RPSA2: variants seen among roughly 807,000 people sequenced by gnomAD.
RPSA2 encodes the protein small ribosomal subunit protein uS2B.
At chr19:23,771,635 C>G in the RPSA2 span, among the ~76,000 whole-genome samples, 1 of 151,514 alleles carries the variant, frequency 6.6e-6, no homozygotes, top group East Asian at 2.0e-4. Flanking sequence ...TGAATCTATT[C>G]TTTTGTCCTA....
the RPSA2 span, among the ~76,000 whole-genome samples, chr19:23,804,301 T>TC: frequency 9.9e-5 from 3 of 30,414 alleles, no homozygotes; most frequent in Non-Finnish European, 1.9e-4. Context: ...TTTCTTTTTC[T>TC]TTTTTTTCTT....
At chr19:23,846,387 CTATT>C in the RPSA2 span, among the ~76,000 whole-genome samples, 1 of 151,652 alleles carries the variant, frequency 6.6e-6, no homozygotes, top group African/African-American at 2.4e-5. Flanking sequence ...TTCTTTTTAT[CTATT>C]TATATTTGTG....
At chr19:23,778,639 C>T in the RPSA2 span, among the ~76,000 whole-genome samples, 33 of 151,954 alleles carry the variant, frequency 2.2e-4, no homozygotes, top group South Asian at 5.4e-3. Context: ...AGTGACTTAC[C>T]GCTAGGCTCA....
chr19:23,868,970 T>A, the RPSA2 span, among the ~76,000 whole-genome samples: 2 of 152,136 alleles, frequency 1.3e-5, no homozygotes, highest in Non-Finnish European at 2.9e-5. Flanking sequence ...TGCAGGAAGC[T>A]GAGAAACTAC....
chr19:23,840,962 CAA>C, the RPSA2 span, among the ~76,000 whole-genome samples: 5 of 117,722 alleles, frequency 4.2e-5, no homozygotes, highest in African/African-American at 1.6e-4. Context: ...AACTCCGTCT[CAA>C]AAAAAAAAAA....
chr19:23,775,936 C>T, the RPSA2 span, among the ~76,000 whole-genome samples: 1 of 152,146 alleles, frequency 6.6e-6, no homozygotes, highest in Non-Finnish European at 1.5e-5. Context: ...GATTTTGGCA[C>T]ACACTTCTGC....
At chr19:23,826,031 C>CAAAAA in the RPSA2 span, among the ~76,000 whole-genome samples, 49,736 of 143,032 alleles carry the variant, frequency 0.35, 9,058 homozygotes, top group Non-Finnish European at 0.41. Flanking sequence ...TATTTCTTGT[C>CAAAAA]AAAAAAAAAC....
At chr19:23,770,475 C>T in the RPSA2 span, among the ~76,000 whole-genome samples, 8 of 152,288 alleles carry the variant, frequency 5.3e-5, no homozygotes, top group African/African-American at 1.4e-4. Context: ...TTGTTTCTGG[C>T]ATATTTTGGG....
chr19:23,844,710 A>T, the RPSA2 span, among the ~76,000 whole-genome samples: 74 of 103,216 alleles, frequency 7.2e-4, no homozygotes, highest in African/African-American at 2.5e-3. Context: ...TTTATAATAT[A>T]ATAATAATAT....
chr19:23,830,412 C>T, the RPSA2 span, among the ~76,000 whole-genome samples: 1 of 152,106 alleles, frequency 6.6e-6, no homozygotes. Flanking sequence ...CCCAAAGTGC[C>T]TGGATTACAG....
chr19:23,800,851 G>C, the RPSA2 span, among the ~76,000 whole-genome samples: 3 of 152,072 alleles, frequency 2.0e-5, no homozygotes, highest in Non-Finnish European at 2.9e-5. Flanking sequence ...GACCTCAGGT[G>C]ATCCACCCAC....
the RPSA2 span, among the ~76,000 whole-genome samples, chr19:23,844,680 G>C: frequency 7.2e-6 from 1 of 139,502 alleles, no homozygotes; most frequent in African/African-American, 2.7e-5. Flanking sequence ...TTTTTAGTTT[G>C]AATCTAATTT....
the RPSA2 span, among the ~76,000 whole-genome samples, chr19:23,868,257 C>T: frequency 6.6e-6 from 1 of 152,158 alleles, no homozygotes; most frequent in Non-Finnish European, 1.5e-5. Flanking sequence ...CCTCGATTTG[C>T]CTTCTCTGTG....
chr19:23,760,587 C>T, the RPSA2 span, among the ~76,000 whole-genome samples: 2 of 151,342 alleles, frequency 1.3e-5, no homozygotes, highest in Non-Finnish European at 2.9e-5. Flanking sequence ...GCCACACTCA[C>T]CTTTTATCAC....
chr19:23,788,879 A>G, the RPSA2 span, among the ~76,000 whole-genome samples: 1 of 152,042 alleles, frequency 6.6e-6, no homozygotes, highest in South Asian at 2.1e-4. Flanking sequence ...AAAGATTGTA[A>G]CATATCACTG....
chr19:23,840,360 A>C, the RPSA2 span, among the ~76,000 whole-genome samples: 1 of 152,272 alleles, frequency 6.6e-6, no homozygotes, highest in African/African-American at 2.4e-5. Flanking sequence ...CCTTGAATTT[A>C]TACCGTGAAA....
the RPSA2 span, among the ~76,000 whole-genome samples, chr19:23,829,790 A>G: frequency 2.0e-5 from 3 of 152,230 alleles, no homozygotes; most frequent in Admixed American, 2.0e-4. Context: ...TCATTAACTG[A>G]TGTTTATAAT....
the RPSA2 span, among the ~76,000 whole-genome samples, chr19:23,805,259 C>T: frequency 1.3e-5 from 2 of 151,978 alleles, no homozygotes; most frequent in East Asian, 1.9e-4. Context: ...CCACCTCCCG[C>T]GTTCAAGCGA....
the RPSA2 span, among the ~76,000 whole-genome samples, chr19:23,785,883 G>A: frequency 3.5e-4 from 53 of 152,232 alleles, no homozygotes; most frequent in Admixed American, 1.0e-3. Flanking sequence ...AAAGTCATAG[G>A]AAATTACCAC....
Sources: gnomAD v4.1 joint callset for allele counts (sites outside exome capture counted in the v4.1 genomes callset) on GRCh38, gnomAD v4.1.1 for gene constraint, MANE v1.5 for transcripts, NCBI Gene and HGNC (gene_info 2026-07-23, HGNC 2026-07-21) for gene names.